The following PCNX2 variants were observed in gnomAD, a reference collection of about 807,000 sequenced individuals.
PCNX2 encodes pecanex-like protein 2.
In PCNX2, 168 loss-of-function variants were observed where a neutral mutation model predicts 223.8. That is an observed-to-expected ratio of 0.75 (90% CI 0.66 to 0.85). PCNX2 has a LOEUF of 0.85. Ranked by LOEUF, PCNX2 falls within the 40% of genes least tolerant of loss-of-function variation. The pLI is 0.00. For synonymous variants in PCNX2, 1,006 were observed against 1,052.6 expected (o/e 0.96, Z 0.86); for missense variants, 2,507 against 2,675.5 (o/e 0.94, Z 1.39).
At chr1:233,155,290 A>G (rs1039903225) in intron 19 of PCNX2, among the ~76,000 whole-genome samples, 1 of 152,068 alleles carries the variant, frequency 6.6e-6, no homozygotes, top group Admixed American at 6.6e-5. Context: ...GGCGGAACCT[A>G]GTGTCACGGC....
intron 26 of PCNX2, among the ~76,000 whole-genome samples, chr1:233,022,077 C>T (rs1457621815): frequency 2.6e-5 from 4 of 152,186 alleles, no homozygotes; most frequent in East Asian, 3.9e-4. Flanking sequence ...CGGTGATCTG[C>T]TGGCCCCATG....
chr1:233,264,136 C>A (rs1196070890), intron 1 of PCNX2, among the ~76,000 whole-genome samples: 1 of 152,118 alleles, frequency 6.6e-6, no homozygotes, highest in Non-Finnish European at 1.5e-5. Context: ...TCACTGGGAC[C>A]CGTGGAGTTG....
At chr1:233,054,111 T>G (rs913230697) in intron 25 of PCNX2, among the ~76,000 whole-genome samples, 157 bp downstream of exon 25, 1 of 152,178 alleles carries the variant, frequency 6.6e-6, no homozygotes, top group East Asian at 1.9e-4. Context: ...TTCAGATGAC[T>G]GTAGTTTATT....
the PCNX2 span, among the ~76,000 whole-genome samples, chr1:233,318,557 C>CTTTTTTTTTTTTTTTTTT: frequency 9.2e-6 from 1 of 108,964 alleles, no homozygotes; most frequent in African/African-American, 3.6e-5. Flanking sequence ...TTTTCTTTTT[C>CTTTTTTTTTTTTTTTTTT]TTTTTCTTTT....
At chr1:233,060,387 C>A (rs1672361051) in intron 23 of PCNX2, among the ~76,000 whole-genome samples, 1 of 152,170 alleles carries the variant, frequency 6.6e-6, no homozygotes, top group Admixed American at 6.5e-5. Flanking sequence ...CCTTAGGGAA[C>A]TAAAACACCT....
intron 1 of PCNX2, among the ~76,000 whole-genome samples, chr1:233,277,158 G>T (rs1483198944): frequency 1.3e-5 from 2 of 152,144 alleles, no homozygotes; most frequent in East Asian, 1.9e-4. Context: ...TGGGAGGGCA[G>T]AAAAGAAGAA....
intron 24 of PCNX2, 164 bp from the exon 25 acceptor site, chr1:233,054,647 C>T: frequency 1.7e-6 from 1 of 604,382 alleles, no homozygotes; most frequent in Non-Finnish European, 2.8e-6. Flanking sequence ...TTATATGAGA[C>T]CCTCCAATTT....
At chr1:233,311,468 C>T in the PCNX2 span, among the ~76,000 whole-genome samples, 1 of 152,192 alleles carries the variant, frequency 6.6e-6, no homozygotes, top group South Asian at 2.1e-4. Context: ...CAGTTCTTGG[C>T]TCCATTTTGC....
At chr1:233,291,186 G>C (rs1661742329) in intron 1 of PCNX2, 1 of 752,978 alleles carries the variant, frequency 1.3e-6, no homozygotes. Flanking sequence ...GATGACTGTG[G>C]GCAAATAGCT....
At chr1:233,207,099 A>G (rs1285235700) in intron 13 of PCNX2, among the ~76,000 whole-genome samples, 1 of 152,062 alleles carries the variant, frequency 6.6e-6, no homozygotes, top group African/African-American at 2.4e-5. Context: ...GGATGCATAG[A>G]AAGGTGGGCT....
chr1:233,262,189 G>T, intron 2 of PCNX2, 24 bp from the exon 3 acceptor site: 1 of 1,612,756 alleles, frequency 6.2e-7, no homozygotes, highest in South Asian at 1.1e-5. Context: ...AGAAACACAA[G>T]AGCAGTGAGC....
intron 15 of PCNX2, among the ~76,000 whole-genome samples, chr1:233,184,629 T>C (rs1388688468): frequency 1.3e-5 from 2 of 152,218 alleles, no homozygotes; most frequent in Admixed American, 6.5e-5. Flanking sequence ...CAAGGACAGC[T>C]GTTACACTCC....
chr1:233,323,127 G>A, the PCNX2 span, among the ~76,000 whole-genome samples: 1 of 152,096 alleles, frequency 6.6e-6, no homozygotes, highest in South Asian at 2.1e-4. Flanking sequence ...GGTGGCACCA[G>A]AACTCATTTG....
At position 233,205,704 on chromosome 1, in the gene PCNX2, A is replaced by AAAAC. The variant is rs1558342173; in HGVS notation, c.2863+2813_2863+2814insGTTT. ...GATAGATCCCATCTCAAAAAAAAAA[A>AAAAC]AAAACAAAACAAAACAAAAAACACG... On this transcript the variant is annotated intron_variant, in intron 13 of 33. Coordinates refer to ENST00000258229, the MANE Select transcript of PCNX2 (RefSeq NM_014801.4). 8.8e-3 allele frequency among the ~76,000 whole-genome samples: 1,323 copies of AAAAC among 151,026 alleles called. 20 individuals are homozygous for AAAAC. Among genetic ancestry groups the AAAAC allele is most frequent in the African/African-American group, 0.031 (1,262 of 40,960 alleles).
At chr1:233,093,733 T>C (rs1369314249) in intron 22 of PCNX2, among the ~76,000 whole-genome samples, 1 of 152,102 alleles carries the variant, frequency 6.6e-6, no homozygotes, top group East Asian at 1.9e-4. Context: ...GAAGGCTCTG[T>C]ATCTTAGCAG....
rs548146070 is a variant in PCNX2 at position 233,287,227 on chromosome 1, A to T, written c.153+8099T>A. Among the ~76,000 whole-genome samples the T allele has an allele frequency of 5.8e-4, 88 of 152,352 alleles. No individual in the cohort carries two copies. In the South Asian group the frequency reaches 0.011, roughly 18 times the overall value. ...GTATAGTGGTTCCATCTCAAGTGGGAAACTAGAAATAAGTGTGAGAGGGAA... is the reference window on the plus strand; with the variant it reads ...GTATAGTGGTTCCATCTCAAGTGGGTAACTAGAAATAAGTGTGAGAGGGAA... On this transcript the variant is annotated intron_variant, in intron 1 of 33. Coordinates refer to ENST00000258229, the MANE Select transcript of PCNX2 (RefSeq NM_014801.4).
At chr1:233,216,616 A>G (rs1300294549) in intron 12 of PCNX2, among the ~76,000 whole-genome samples, 4 of 152,224 alleles carry the variant, frequency 2.6e-5, no homozygotes, top group African/African-American at 9.6e-5. Context: ...CGGTACAGCC[A>G]TTATGGAAAA....
At chr1:233,225,110 T>TAAAA (rs71173259) in intron 10 of PCNX2, among the ~76,000 whole-genome samples, 3 of 42,214 alleles carry the variant, frequency 7.1e-5, no homozygotes, top group Non-Finnish European at 1.3e-4. Flanking sequence ...AGAACTAAAG[T>TAAAA]AAAAAAAAAA....
intron 23 of PCNX2, among the ~76,000 whole-genome samples, chr1:233,066,776 T>A (rs2102894803): frequency 6.6e-6 from 1 of 152,220 alleles, no homozygotes; most frequent in South Asian, 2.1e-4. Context: ...AACCTAGACT[T>A]CCTCCCTTGC....
Sources: allele counts gnomAD v4.1 joint callset (sites outside exome capture counted in the v4.1 genomes callset), GRCh38; gene constraint gnomAD v4.1.1; transcripts MANE v1.5; gene names NCBI Gene and HGNC (gene_info 2026-07-23, HGNC 2026-07-21).